HYAL4: variants seen among roughly 807,000 people sequenced by gnomAD.
HYAL4 encodes hyaluronidase 4.
Under a neutral mutation model 35.2 loss-of-function variants are expected in HYAL4, and 37 were observed. That is an observed-to-expected ratio of 1.05 (90% CI 0.81 to 1.38). The LOEUF is 1.38. Among genes scored for constraint, HYAL4 ranks in the 40% most tolerant of loss-of-function variants. The pLI, the probability that HYAL4 is intolerant of heterozygous loss-of-function variation, is 0.00. For synonymous variants in HYAL4, 198 were observed against 203.2 expected, an observed-to-expected ratio of 0.97 and a Z score of 0.22; for missense variants, 572 against 572.4, an observed-to-expected ratio of 1.00 and a Z score of 0.01.
chr7:123,876,119 A>G, intron 4 of HYAL4: 1 of 450,154 alleles, frequency 2.2e-6, no homozygotes, highest in South Asian at 1.6e-5. Context: ...TAGAACACGT[A>G]ATAGGAACCA....
At chr7:123,858,206 G>A (rs993224726) in intron 2 of HYAL4, among the ~76,000 whole-genome samples, 3 of 152,016 alleles carry the variant, frequency 2.0e-5, no homozygotes, top group Admixed American at 1.3e-4. Context: ...CAAAAGAAAT[G>A]TATGTGTAGC....
At chr7:123,785,366 C>T in the HYAL4 span, among the ~76,000 whole-genome samples, 7 of 152,258 alleles carry the variant, frequency 4.6e-5, no homozygotes, top group East Asian at 1.9e-4. The surrounding 1 kb of genome is among the most constrained non-coding windows in gnomAD (Gnocchi z 4.5). Context: ...GGATTACAGG[C>T]GTAAGCCACT....
At chr7:123,764,745 C>A in the HYAL4 span, among the ~76,000 whole-genome samples, 1 of 152,150 alleles carries the variant, frequency 6.6e-6, no homozygotes, top group African/African-American at 2.4e-5. Context: ...CTGTTCTCAC[C>A]TGTTTGGATA....
the HYAL4 span, among the ~76,000 whole-genome samples, chr7:123,811,393 G>A: frequency 2.6e-5 from 4 of 152,186 alleles, no homozygotes; most frequent in Non-Finnish European, 5.9e-5. Flanking sequence ...TTCATTAATA[G>A]GCATGTAGTG....
At chr7:123,816,873 T>A in the HYAL4 span, among the ~76,000 whole-genome samples, 5 of 152,192 alleles carry the variant, frequency 3.3e-5, no homozygotes, top group African/African-American at 1.2e-4. Flanking sequence ...CCAGTCCTGT[T>A]TGGTATTTGC....
the HYAL4 span, among the ~76,000 whole-genome samples, chr7:123,764,821 G>A: frequency 2.6e-5 from 4 of 152,166 alleles, no homozygotes; most frequent in African/African-American, 9.7e-5. Context: ...TTCATTGGAA[G>A]ATCTTTTGCC....
intron 4 of HYAL4, among the ~76,000 whole-genome samples, chr7:123,875,629 C>G (rs1316649916): frequency 1.3e-5 from 2 of 148,704 alleles, no homozygotes; most frequent in Non-Finnish European, 3.0e-5. Context: ...TGCACTCGAG[C>G]CTGGTTCAAA....
chr7:123,866,636 C>T (rs1311262160), intron 2 of HYAL4, among the ~76,000 whole-genome samples: 4 of 152,136 alleles, frequency 2.6e-5, no homozygotes, highest in South Asian at 2.1e-4. Flanking sequence ...AGACTGCAAA[C>T]GTTTTATGCC....
intron 4 of HYAL4, 94 bp from the exon 5 acceptor site, chr7:123,876,660 T>G: frequency 7.7e-7 from 1 of 1,301,348 alleles, no homozygotes; most frequent in Middle Eastern, 2.0e-4. Flanking sequence ...AAGCTCTAAT[T>G]CTATCAGTAC....
At chr7:123,793,348 T>G in the HYAL4 span, among the ~76,000 whole-genome samples, 1 of 152,216 alleles carries the variant, frequency 6.6e-6, no homozygotes, top group Non-Finnish European at 1.5e-5. Context: ...TGCCTAACTG[T>G]TTTACAGTGA....
At chr7:123,874,559 C>T (rs961194283) in intron 3 of HYAL4, among the ~76,000 whole-genome samples, 8 of 152,232 alleles carry the variant, frequency 5.3e-5, no homozygotes, top group East Asian at 3.9e-4. Flanking sequence ...CCCACCACCA[C>T]GCCTGGCTAA....
At chr7:123,817,312 C>G in the HYAL4 span, among the ~76,000 whole-genome samples, 1 of 152,164 alleles carries the variant, frequency 6.6e-6, no homozygotes, top group Non-Finnish European at 1.5e-5. Flanking sequence ...CCCTTTTCCT[C>G]TTTCCATTAT....
chr7:123,874,159 A>C (rs1806950463), intron 3 of HYAL4, among the ~76,000 whole-genome samples: 1 of 152,188 alleles, frequency 6.6e-6, no homozygotes, highest in South Asian at 2.1e-4. Context: ...ATTTCAATTA[A>C]ATAATTTCTG....
chr7:123,844,640 A>G (rs138566246), upstream of HYAL4, among the ~76,000 whole-genome samples: 21,013 of 152,088 alleles, frequency 0.14, 1,532 homozygotes, highest in African/African-American at 0.16. Context: ...GCCCACAGAG[A>G]TGGAGTCTAG....
At chr7:123,800,497 TAAAAA>T in the HYAL4 span, among the ~76,000 whole-genome samples, 1 of 148,328 alleles carries the variant, frequency 6.7e-6, no homozygotes, top group African/African-American at 2.5e-5. Context: ...AAAAAAAAAT[TAAAAA>T]AAAAGAAGTT....
At chr7:123,782,138 C>A in the HYAL4 span, among the ~76,000 whole-genome samples, 1 of 152,140 alleles carries the variant, frequency 6.6e-6, no homozygotes, top group African/African-American at 2.4e-5. Flanking sequence ...TAGTTGAAAT[C>A]ATTTACAATG....
intron 2 of HYAL4, among the ~76,000 whole-genome samples, chr7:123,848,365 T>C (rs916184010): frequency 6.6e-6 from 1 of 152,246 alleles, no homozygotes; most frequent in East Asian, 1.9e-4. Flanking sequence ...TTGTCACTGA[T>C]AGTTACGAGC....
At chr7:123,785,802 A>G in the HYAL4 span, among the ~76,000 whole-genome samples, 5 of 152,274 alleles carry the variant, frequency 3.3e-5, no homozygotes, top group East Asian at 3.9e-4. This position sits in a 1 kb window ranked among gnomAD's most constrained non-coding sequence, Gnocchi z 4.5. Context: ...TTGAGTGCCA[A>G]CCTATAAAAA....
the HYAL4 span, among the ~76,000 whole-genome samples, chr7:123,785,963 CAAAA>C: frequency 2.6e-5 from 4 of 151,942 alleles, no homozygotes; most frequent in Admixed American, 6.6e-5. This position sits in a 1 kb window ranked among gnomAD's most constrained non-coding sequence, Gnocchi z 4.5. Context: ...CAAAACAAAA[CAAAA>C]CAAAACAAAA....
Sources: allele counts gnomAD v4.1 joint callset (sites outside exome capture counted in the v4.1 genomes callset), GRCh38; gene constraint gnomAD v4.1.1; non-coding constraint Gnocchi (gnomAD v3.1); transcripts MANE v1.5; gene names NCBI Gene and HGNC (gene_info 2026-07-23, HGNC 2026-07-21).